The following LUZP1 variants were observed in gnomAD, a reference collection of about 807,000 sequenced individuals.
LUZP1 encodes the protein leucine zipper protein 1.
In LUZP1, 25 loss-of-function variants were observed where a neutral mutation model predicts 71.3. That is an observed-to-expected ratio of 0.35 (90% CI 0.26 to 0.49). The LOEUF (loss-of-function observed/expected upper bound fraction) is 0.49. Ranked by LOEUF, LUZP1 falls within the 20% of genes least tolerant of loss-of-function variation. The pLI, the probability that LUZP1 is intolerant of heterozygous loss-of-function variation, is 0.99. For synonymous variants in LUZP1, 481 were observed against 506.4 expected (o/e 0.95, Z 0.67); for missense variants, 1,142 against 1,300.8 (o/e 0.88, Z 1.88).
chr1:23,091,323 G>C, exon 4 of LUZP1: 1 of 1,614,098 alleles, frequency 6.2e-7, no homozygotes, highest in Non-Finnish European at 8.5e-7. Context: ...CCCTGAACTT[G>C]GTCCTACCCT....
intron 3 of LUZP1, among the ~76,000 whole-genome samples, chr1:23,099,681 TTA>T (rs1011365871): frequency 6.6e-6 from 1 of 152,228 alleles, no homozygotes; most frequent in Admixed American, 6.5e-5. Flanking sequence ...AGTGCCAATT[TTA>T]TATGTTTTAT....
intron 2 of LUZP1, among the ~76,000 whole-genome samples, chr1:23,135,675 A>G (rs1021507291): frequency 2.0e-5 from 3 of 152,228 alleles, no homozygotes; most frequent in South Asian, 2.1e-4. Context: ...TAGGTAGCCA[A>G]TTCAAGAGCT....
rs147429542 is a variant in LUZP1, at chr1:23,119,443, G to C, written c.-225-10316C>G. Among the ~76,000 whole-genome samples the C allele has an allele frequency of 3.2e-3, 488 of 151,954 alleles. 10 individuals carry two copies. Among genetic ancestry groups the C allele is most frequent in the Non-Finnish European group, 1.1e-3 (77 of 67,972 alleles). On this transcript the variant is annotated intron_variant, in intron 2 of 4. Transcript: ENST00000302291. ...TATGACAACTCAGATCTTAGTTTTA[G>C]CTTTAAAAATAACAAGCTATGGGTG...
At chr1:23,164,277 C>T (rs531426809) in intron 2 of LUZP1, among the ~76,000 whole-genome samples, 10 of 152,210 alleles carry the variant, frequency 6.6e-5, no homozygotes, top group East Asian at 5.8e-4. Context: ...GGGCGGATCA[C>T]GAGGTCAGGA....
chr1:23,144,627 A>G (rs1268456201), intron 2 of LUZP1, among the ~76,000 whole-genome samples: 2 of 152,128 alleles, frequency 1.3e-5, no homozygotes, highest in African/African-American at 4.8e-5. Context: ...CCAGATGGCT[A>G]GGCTAGACTA....
Position 23,118,184 on chromosome 1 carries a change from T to A in LUZP1, c.-225-9057A>T, listed in dbSNP as rs1178508625. On this transcript the variant is annotated intron_variant, in intron 2 of 4. Coordinates refer to ENST00000302291, the Ensembl canonical transcript of LUZP1. ...TGGGAGGCCAAAGTGGGTGGATCAC[T>A]TGAGGTCAGGAGTTCGAGACCAGCC... 2.6e-5 allele frequency among the ~76,000 whole-genome samples: 4 copies of A among 151,392 alleles called. No homozygotes were observed. In the East Asian group the frequency reaches 7.8e-4, roughly 30 times the overall value.
At chr1:23,116,024 G>C (rs1644075171) in intron 2 of LUZP1, among the ~76,000 whole-genome samples, 1 of 152,180 alleles carries the variant, frequency 6.6e-6, no homozygotes, top group Admixed American at 6.5e-5. Context: ...TGAGGCAGGA[G>C]GATCACTCGA....
At chr1:23,166,653 C>CAAAAAAAAAA (rs538327046) in intron 2 of LUZP1, among the ~76,000 whole-genome samples, 2 of 70,896 alleles carry the variant, frequency 2.8e-5, no homozygotes, top group African/African-American at 9.9e-5. Context: ...CACTCCGTCT[C>CAAAAAAAAAA]AAAAAAAAAA....
At chr1:23,131,077 G>C (rs2124685936) in intron 2 of LUZP1, among the ~76,000 whole-genome samples, 1 of 151,994 alleles carries the variant, frequency 6.6e-6, no homozygotes, top group East Asian at 1.9e-4. Flanking sequence ...AAATTAGCCA[G>C]GCGTGGTGGC....
chr1:23,093,486 C>A lies in LUZP1; in HGVS notation c.776G>T (p.Gly259Val). The stretch of plus-strand genomic sequence containing the variant: ...TACCTGCTTTAGGTAGTCCAGACCA[C>A]CCTTCCTTCTTGATTCTTTGGACGG... The change falls in exon 4 of 5, where the codon GGT becomes GTT. Residue 259 changes from glycine to valine, a missense_variant. Physicochemically the swap from Gly to Val is moderately radical, Grantham distance 109. Coordinates refer to ENST00000302291, the Ensembl canonical transcript of LUZP1. This position sits in a 1 kb window ranked among gnomAD's most constrained non-coding sequence, Gnocchi z 4.2. 1.2e-6 allele frequency: 2 copies of A among 1,612,554 alleles called. No individual in the cohort carries two copies. The highest frequency in any genetic ancestry group is 8.5e-7 in the Non-Finnish European group (1 of 1,179,722).
intron 2 of LUZP1, among the ~76,000 whole-genome samples, chr1:23,150,920 C>T (rs950966290): frequency 1.3e-5 from 2 of 152,144 alleles, no homozygotes; most frequent in Admixed American, 1.3e-4. Flanking sequence ...TCGAATTGGA[C>T]ATTTGTTTTT....
intron 2 of LUZP1, among the ~76,000 whole-genome samples, chr1:23,166,598 TGAG>T (rs1644511505): frequency 1.5e-5 from 2 of 137,350 alleles, no homozygotes; most frequent in African/African-American, 5.6e-5. Context: ...GAGGTTGCAG[TGAG>T]CCGAGATCGC....
Position 23,094,031 on chromosome 1 carries a change from G to C in LUZP1, c.231C>G (p.Gly77=). The C allele has an allele frequency of 6.2e-7, 1 of 1,614,118 alleles. No individual in the cohort carries two copies. The highest frequency in any genetic ancestry group is 1.1e-5 in the South Asian group (1 of 91,082). Residue 77 remains glycine (G), a synonymous_variant, in exon 4 of 5, where the codon GGC becomes GGG. Transcript: ENST00000302291. This position sits in a 1 kb window ranked among gnomAD's most constrained non-coding sequence, Gnocchi z 4.7. Reference sequence around the variant, plus strand: ...CTGCTCTCTTAATTTCCTCGTCTTTGCCTTCAATTCTCAGCACCCGCTGGC... The same window carrying C: ...CTGCTCTCTTAATTTCCTCGTCTTTCCCTTCAATTCTCAGCACCCGCTGGC...
At chr1:23,122,644 C>G (rs1398551739) in intron 2 of LUZP1, among the ~76,000 whole-genome samples, 1 of 152,204 alleles carries the variant, frequency 6.6e-6, no homozygotes, top group African/African-American at 2.4e-5. Context: ...CTACAAGATT[C>G]CAGGACACTG....
intron 1 of LUZP1, among the ~76,000 whole-genome samples, chr1:23,177,073 T>C (rs948364511): frequency 6.9e-6 from 1 of 144,174 alleles, no homozygotes; most frequent in Non-Finnish European, 1.5e-5. Context: ...GTAAGGATGA[T>C]GGGGGGGGGG....
chr1:23,111,205 A>G (rs1027212241), intron 2 of LUZP1, among the ~76,000 whole-genome samples: 9 of 151,002 alleles, frequency 6.0e-5, no homozygotes, highest in South Asian at 2.1e-4. Flanking sequence ...GTCTCAAAAA[A>G]AAAAAAAAAA....
chr1:23,175,933 A>G (rs1644579464), intron 1 of LUZP1, among the ~76,000 whole-genome samples: 1 of 152,198 alleles, frequency 6.6e-6, no homozygotes, highest in South Asian at 2.1e-4. Context: ...AACATGCTCA[A>G]GGTCACACAG....
intron 2 of LUZP1, among the ~76,000 whole-genome samples, chr1:23,168,182 G>GCCCGCAGCTGGCCCCGCA (rs1644525895): frequency 7.7e-6 from 1 of 130,148 alleles, no homozygotes; most frequent in Non-Finnish European, 1.6e-5. Context: ...CGCGCCCCGC[G>GCCCGCAGCTGGCCCCGCA]CCCGCAGCTG....
In LUZP1 at chr1:23,162,517, C is replaced by T. The variant is rs1237391304; in HGVS notation, c.-226+6249G>A. Among the ~76,000 whole-genome samples, 8 of 151,674 alleles carry T rather than the reference C, an allele frequency of 5.3e-5. No homozygotes were observed. The East Asian group carries it at 1.5e-3, about 29-fold the overall frequency. On this transcript the variant is annotated intron_variant, in intron 2 of 4. Transcript: ENST00000302291. ...GCAGTGGCGTGATCTCGGCTCACTG[C>T]AAGCTCTGCCTCCTGGGTTCTCGCC...
Sources: gnomAD v4.1 joint callset for allele counts (sites outside exome capture counted in the v4.1 genomes callset) on GRCh38, gnomAD v4.1.1 for gene constraint, Gnocchi (gnomAD v3.1) non-coding constraint, MANE v1.5 for transcripts, NCBI Gene and HGNC (gene_info 2026-07-23, HGNC 2026-07-21) for gene names.